Variants in GRID2 observed in about 807,000 individuals in gnomAD.
GRID2 encodes the protein glutamate ionotropic receptor delta type subunit 2.
Under a neutral mutation model 114.8 loss-of-function variants are expected in GRID2, and 33 were observed. The observed-to-expected ratio is 0.29, with a 90% CI of 0.22 to 0.38. The LOEUF is 0.38. GRID2 is among the 10% of genes least tolerant of loss of function. The pLI, the probability that GRID2 is intolerant of heterozygous loss-of-function variation, is 1.00. For missense variants in GRID2, 1,184 were observed against 1,257.7 expected (o/e 0.94, Z 0.89); for synonymous variants, 505 against 449.9 (o/e 1.12, Z -1.55).
chr4:92,882,342 C>T (rs1270262921), intron 2 of GRID2, among the ~76,000 whole-genome samples: 1 of 152,104 alleles, frequency 6.6e-6, no homozygotes, highest in Non-Finnish European at 1.5e-5. Flanking sequence ...AAATATTTTC[C>T]TCAGAACTTA....
At chr4:93,020,861 C>T (rs953721945) in intron 2 of GRID2, among the ~76,000 whole-genome samples, 31 of 151,922 alleles carry the variant, frequency 2.0e-4, no homozygotes, top group African/African-American at 7.0e-4. Context: ...GGCAAAACCC[C>T]GTCTCTACTA....
At chr4:93,104,878 G>A (rs1376066029) in intron 3 of GRID2, among the ~76,000 whole-genome samples, 14 of 152,050 alleles carry the variant, frequency 9.2e-5, no homozygotes, top group Non-Finnish European at 1.3e-4. Flanking sequence ...CTGAGGAATC[G>A]CCACACTGAC....
At chr4:93,780,831 G>A (rs2110350444) in intron 1 of GRID2, among the ~76,000 whole-genome samples, 1 of 152,260 alleles carries the variant, frequency 6.6e-6, no homozygotes. Flanking sequence ...GGGCAGTTTA[G>A]AAAAAGTAAA....
chr4:92,493,865 C>A (rs1160570210), intron 1 of GRID2, among the ~76,000 whole-genome samples: 1 of 152,122 alleles, frequency 6.6e-6, no homozygotes, highest in Non-Finnish European at 1.5e-5. Context: ...AAACACTTTC[C>A]TCAAAACAGA....
At chr4:93,360,631 A>G (rs1168813279) in intron 8 of GRID2, among the ~76,000 whole-genome samples, 2 of 151,958 alleles carry the variant, frequency 1.3e-5, no homozygotes, top group Non-Finnish European at 2.9e-5. Context: ...ATTTTGTAAC[A>G]TGCTCAGAAT....
Position 92,523,224 on chromosome 4 carries a change from A to G in GRID2, c.89-66907A>G, listed in dbSNP as rs543667358. Among the ~76,000 whole-genome samples, 54 of 152,156 alleles carry G rather than the reference A, an allele frequency of 3.5e-4. No individual in the cohort carries two copies. In the South Asian group the frequency reaches 5.2e-3, roughly 15 times the overall value. On this transcript the variant is annotated intron_variant, in intron 1 of 15. Transcript: ENST00000282020. The stretch of plus-strand genomic sequence containing the variant: ...TTTTCTAAATTGATTGACTTGTTAA[A>G]TGTAAATGTCATTATCTGAAATCAA...
chr4:92,815,969 A>C (rs1421914370), intron 2 of GRID2, among the ~76,000 whole-genome samples: 2 of 149,346 alleles, frequency 1.3e-5, no homozygotes, highest in African/African-American at 4.9e-5. Context: ...CCAAAAAAAA[A>C]CCAACCAAAA....
chr4:92,639,687 C>A (rs935981843), intron 2 of GRID2, among the ~76,000 whole-genome samples: 1 of 151,574 alleles, frequency 6.6e-6, no homozygotes, highest in Admixed American at 6.6e-5. Flanking sequence ...TTCATGGATA[C>A]GACGTGGATT....
At chr4:93,132,321 A>G (rs573312473) in intron 4 of GRID2, among the ~76,000 whole-genome samples, 1 of 152,226 alleles carries the variant, frequency 6.6e-6, no homozygotes, top group Non-Finnish European at 1.5e-5. Flanking sequence ...TGTTTGCCTT[A>G]TGTAGCATGA....
chr4:93,112,807 G>A (rs1353167418), intron 4 of GRID2, among the ~76,000 whole-genome samples: 2 of 152,108 alleles, frequency 1.3e-5, no homozygotes, highest in African/African-American at 4.8e-5. Context: ...TCCTTGGCTT[G>A]TAGATGAATT....
chr4:93,273,467 C>A (rs967471083), intron 8 of GRID2, among the ~76,000 whole-genome samples: 8 of 77,024 alleles, frequency 1.0e-4, no homozygotes, highest in Non-Finnish European at 1.5e-4. Flanking sequence ...ATATCCCCCC[C>A]CCCAAAAAAT....
intron 1 of GRID2, among the ~76,000 whole-genome samples, chr4:92,419,528 G>C (rs888626752): frequency 3.3e-5 from 5 of 152,126 alleles, no homozygotes; most frequent in Non-Finnish European, 5.9e-5. Flanking sequence ...AAAATGGTAA[G>C]AAGCCAGATT....
intron 1 of GRID2, among the ~76,000 whole-genome samples, chr4:93,799,730 T>C (rs1734885229): frequency 6.6e-6 from 1 of 152,212 alleles, no homozygotes; most frequent in Non-Finnish European, 1.5e-5. Flanking sequence ...GTATATCCTT[T>C]GTTTCTTTAT....
intron 1 of GRID2, among the ~76,000 whole-genome samples, chr4:92,492,465 G>A (rs1322144228): frequency 6.6e-6 from 1 of 152,144 alleles, no homozygotes. Context: ...GTATCATTCT[G>A]AGTTAGAGCA....
At position 92,872,683 on chromosome 4, in the gene GRID2, T is replaced by G. The variant is rs575717132; in HGVS notation, c.245-212312T>G. 5.3e-4 allele frequency among the ~76,000 whole-genome samples: 80 copies of G among 152,174 alleles called. No individual in the cohort carries two copies. In the Middle Eastern group the frequency reaches 0.017, roughly 32 times the overall value. ...AACATATTGTTCTCAGAAAGAAACA[T>G]TTTATAGGAAATTTGAACAGAAGCC... On this transcript the variant is annotated intron_variant, in intron 2 of 15. Transcript: ENST00000282020.
chr4:92,684,970 C>T (rs1487527274), intron 2 of GRID2, among the ~76,000 whole-genome samples: 3 of 151,942 alleles, frequency 2.0e-5, no homozygotes, highest in African/African-American at 7.2e-5. Flanking sequence ...TTTCTAATTA[C>T]TACTAATACT....
chr4:93,806,480 G>T (rs1450829595), intron 1 of GRID2, among the ~76,000 whole-genome samples: 4 of 152,182 alleles, frequency 2.6e-5, no homozygotes, highest in African/African-American at 4.8e-5. Context: ...CTTGAAACAG[G>T]TTCTATTGAA....
chr4:92,772,837 C>G (rs1453242920), intron 2 of GRID2, among the ~76,000 whole-genome samples: 1 of 152,158 alleles, frequency 6.6e-6, no homozygotes, highest in Non-Finnish European at 1.5e-5. Flanking sequence ...GTGAATAGCA[C>G]AGTTTTACTT....
intron 2 of GRID2, among the ~76,000 whole-genome samples, chr4:92,912,331 ATAGATCTT>A (rs1748450316): frequency 6.6e-6 from 1 of 151,818 alleles, no homozygotes; most frequent in Non-Finnish European, 1.5e-5. Flanking sequence ...AAAGTGAAAA[ATAGATCTT>A]GTAAGCAAGA....
Sources: allele counts gnomAD v4.1 joint callset (sites outside exome capture counted in the v4.1 genomes callset), GRCh38; gene constraint gnomAD v4.1.1; transcripts MANE v1.5; gene names NCBI Gene and HGNC (gene_info 2026-07-23, HGNC 2026-07-21).